Variants in ATF7IP2 observed in about 807,000 individuals in gnomAD.
The protein encoded by ATF7IP2 is activating transcription factor 7-interacting protein 2.
ATF7IP2 carries 42 observed loss-of-function variants against 64.2 expected under a neutral mutation model. That is an observed-to-expected ratio of 0.65 (90% CI 0.51 to 0.85). The LOEUF (loss-of-function observed/expected upper bound fraction) is 0.85. Among genes scored for constraint, ATF7IP2 ranks in the 40% least tolerant of loss-of-function variants. The pLI is 0.00. For missense variants in ATF7IP2, 933 were observed against 784.2 expected (o/e 1.19, Z -2.27); for synonymous variants, 308 against 272.8 (o/e 1.13, Z -1.27).
rs1488521069 is a variant in ATF7IP2 at position 10,472,128 on chromosome 16, G to A, written c.1371G>A (p.Met457Ile). The A allele has an allele frequency of 9.0e-6, 14 of 1,562,232 alleles. No homozygotes were observed. The highest frequency in any genetic ancestry group is 1.2e-5 in the Non-Finnish European group (14 of 1,144,644). ...SVSESNNDDV[M>I]LISVESPNLT... ...ATTTTAGTAACAATGATGATGTTAT[G>A]TTGATTTCTGTGGAAAGTCCTAATT... Residue 457 changes from methionine to isoleucine, a missense_variant, in exon 10 of 14, where the codon ATG becomes ATA. Met to Ile is a conservative substitution (Grantham distance 10). Coordinates refer to ENST00000562102, the MANE Select transcript of ATF7IP2 (RefSeq NM_001393719.1).
chr16:10,474,603 T>C (rs1218709842), intron 12 of ATF7IP2, among the ~76,000 whole-genome samples: 1 of 152,042 alleles, frequency 6.6e-6, no homozygotes, highest in Non-Finnish European at 1.5e-5. Context: ...GAAAAAGAAG[T>C]GAAATACAGT....
At chr16:10,441,880 A>T (rs117376131) in intron 8 of ATF7IP2, among the ~76,000 whole-genome samples, 3,023 of 152,338 alleles carry the variant, frequency 0.02, 36 homozygotes, top group Non-Finnish European at 0.031. Context: ...TCACAAAGAA[A>T]ACATGCACTC....
rs1447034849 is a variant in ATF7IP2 at position 10,439,524 on chromosome 16, G to A, written c.1096-840G>A. Among the ~76,000 whole-genome samples the A allele has an allele frequency of 4.3e-5, 6 of 140,862 alleles. No individual in the cohort carries two copies. In the East Asian group the frequency reaches 1.3e-3, roughly 30 times the overall value. The allele number at this position is 140,862 out of a possible 152,430, so 92.4% of individuals were successfully genotyped here. ...GCTGGGATTATAGGCGTGAGCCACC[G>A]CCCCCAGCCTTTTTTTTTTTTTTTT... On this transcript the variant is annotated intron_variant, in intron 7 of 13. Transcript: ENST00000562102.
At chr16:10,391,031 G>T (rs551605557) in intron 1 of ATF7IP2, among the ~76,000 whole-genome samples, 2 of 151,910 alleles carry the variant, frequency 1.3e-5, no homozygotes, top group East Asian at 1.9e-4. Flanking sequence ...AGTAGCATGC[G>T]CCAGTAGTCC....
At chr16:10,452,163 T>G (rs1032894786) in intron 8 of ATF7IP2, among the ~76,000 whole-genome samples, 1 of 152,330 alleles carries the variant, frequency 6.6e-6, no homozygotes, top group African/African-American at 2.4e-5. Flanking sequence ...GGTCTGTTGC[T>G]GGCAAGTAGT....
intron 1 of ATF7IP2, among the ~76,000 whole-genome samples, chr16:10,405,043 C>G (rs1183826606): frequency 1.3e-5 from 2 of 152,068 alleles, no homozygotes; most frequent in Admixed American, 1.3e-4. Flanking sequence ...TATAATAAAT[C>G]CTCAGATCCT....
chr16:10,426,873 G>T (rs2048096513), intron 3 of ATF7IP2, among the ~76,000 whole-genome samples: 1 of 151,718 alleles, frequency 6.6e-6, no homozygotes, highest in Non-Finnish European at 1.5e-5. Context: ...TTTTTTTTAA[G>T]ACAGTGTCCC....
chr16:10,449,719 G>C (rs1369411873), intron 8 of ATF7IP2: 3 of 152,086 alleles, frequency 2.0e-5, no homozygotes, highest in African/African-American at 4.8e-5. Context: ...AGTCAGGCTA[G>C]CGGTCTATTT....
chr16:10,416,602 G>T (rs1005302367), intron 2 of ATF7IP2, among the ~76,000 whole-genome samples: 12 of 152,154 alleles, frequency 7.9e-5, no homozygotes, highest in African/African-American at 2.9e-4. Flanking sequence ...AGACCAGCCT[G>T]GCCAACATGG....
intron 1 of ATF7IP2, among the ~76,000 whole-genome samples, chr16:10,410,558 G>A (rs2141811066): frequency 6.6e-6 from 1 of 152,264 alleles, no homozygotes; most frequent in South Asian, 2.1e-4. Flanking sequence ...TAGGTATACA[G>A]TCACATCATC....
intron 8 of ATF7IP2, chr16:10,448,598 A>G (rs952549950): frequency 1.3e-5 from 2 of 152,118 alleles, no homozygotes; most frequent in Non-Finnish European, 2.9e-5. Flanking sequence ...TGATTTTTGC[A>G]CATTGATTTT....
chr16:10,424,986 T>G (rs2048054753), intron 3 of ATF7IP2, among the ~76,000 whole-genome samples: 1 of 151,732 alleles, frequency 6.6e-6, no homozygotes, highest in Non-Finnish European at 1.5e-5. Flanking sequence ...TACTGCTAGG[T>G]ATATAGAACA....
chr16:10,457,086 AGTCTAATAGGAATAAAGTGTT>A (rs2049195029), intron 8 of ATF7IP2, among the ~76,000 whole-genome samples: 1 of 152,154 alleles, frequency 6.6e-6, no homozygotes, highest in African/African-American at 2.4e-5. Context: ...CCTAAAAGTT[AGTCTAATAGGAATAAAGTGTT>A]GTCTAAGTAC....
At chr16:10,397,818 C>T (rs1008326413) in intron 1 of ATF7IP2, among the ~76,000 whole-genome samples, 1 of 149,574 alleles carries the variant, frequency 6.7e-6, no homozygotes, top group Non-Finnish European at 1.5e-5. Context: ...AATCGTGCCA[C>T]TGCCCTGCAA....
chr16:10,429,212 C>G (rs1014733209), intron 4 of ATF7IP2, among the ~76,000 whole-genome samples, 196 bp downstream of exon 4: 75 of 152,160 alleles, frequency 4.9e-4, no homozygotes, highest in African/African-American at 1.8e-3. Flanking sequence ...GAAAATAATA[C>G]AAAAATTGTA....
chr16:10,407,590 T>G (rs2047669296), intron 1 of ATF7IP2, among the ~76,000 whole-genome samples: 2 of 152,240 alleles, frequency 1.3e-5, no homozygotes, highest in African/African-American at 2.4e-5. Context: ...GTGAATGATA[T>G]GTAAAGGAAA....
rs2049745787 is a variant in ATF7IP2, at chr16:10,470,348, A to G, written c.1353-1762A>G. Among the ~76,000 whole-genome samples the G allele has an allele frequency of 2.6e-5, 4 of 152,186 alleles. No individual in the cohort carries two copies. The South Asian group carries it at 8.3e-4, about 32-fold the overall frequency. On this transcript the variant is annotated intron_variant, in intron 9 of 13. Coordinates refer to ENST00000562102, the MANE Select transcript of ATF7IP2 (RefSeq NM_001393719.1). ...AACCAAAACCACCTAACCTAAAACT[A>G]CAAAGTATTACTGAAGAAATTAAAG...
At chr16:10,456,345 G>C (rs1357110430) in intron 8 of ATF7IP2, among the ~76,000 whole-genome samples, 2 of 152,208 alleles carry the variant, frequency 1.3e-5, no homozygotes, top group Non-Finnish European at 2.9e-5. Flanking sequence ...AGAAAGTCAA[G>C]ATTTTGGCTG....
intron 8 of ATF7IP2, among the ~76,000 whole-genome samples, chr16:10,441,595 G>C (rs1197718925): frequency 6.6e-6 from 1 of 152,050 alleles, no homozygotes; most frequent in Non-Finnish European, 1.5e-5. Context: ...TTTTTGATGG[G>C]GTTGTTTTTT....
Sources: gnomAD v4.1 joint callset for allele counts (sites outside exome capture counted in the v4.1 genomes callset) on GRCh38, gnomAD v4.1.1 for gene constraint, MANE v1.5 for transcripts, NCBI Gene and HGNC (gene_info 2026-07-23, HGNC 2026-07-21) for gene names.